MYT1L: variants seen among roughly 807,000 people sequenced by gnomAD.
The protein encoded by MYT1L is myelin transcription factor 1 like.
MYT1L carries 12 observed loss-of-function variants against 126.7 expected under a neutral mutation model. The observed-to-expected ratio is 0.09, with a 90% CI of 0.06 to 0.15. The LOEUF is 0.15. Ranked by LOEUF, MYT1L falls within the 10% of genes least tolerant of loss-of-function variation. The pLI is 1.00. For missense variants in MYT1L, 979 were observed against 1,585.2 expected (o/e 0.62, Z 6.49); for synonymous variants, 541 against 604.2 (o/e 0.90, Z 1.53).
chr2:1,977,608 A>T (rs2149481311), intron 8 of MYT1L, among the ~76,000 whole-genome samples: 1 of 152,346 alleles, frequency 6.6e-6, no homozygotes, highest in Non-Finnish European at 1.5e-5. Flanking sequence ...TGATTATTTC[A>T]CATTGTATGC....
chr2:2,116,528 A>G (rs189669325), intron 3 of MYT1L, among the ~76,000 whole-genome samples: 24 of 152,356 alleles, frequency 1.6e-4, no homozygotes, highest in African/African-American at 4.8e-4. Flanking sequence ...TTGTCTCCAG[A>G]GTGGGTCCCC....
intron 2 of MYT1L, among the ~76,000 whole-genome samples, chr2:2,180,119 C>T (rs2091250510): frequency 6.6e-6 from 1 of 152,124 alleles, no homozygotes; most frequent in African/African-American, 2.4e-5. Flanking sequence ...GGGATTGCAC[C>T]TGTTCATTTT....
rs1654308750 is a variant in MYT1L at position 2,034,246 on chromosome 2, C to G, written c.-158+19732G>C. Among the ~76,000 whole-genome samples, 7 of 152,306 alleles carry G rather than the reference C, an allele frequency of 4.6e-5. No homozygotes were observed. In the South Asian group the frequency reaches 1.4e-3, roughly 32 times the overall value. On this transcript the variant is annotated intron_variant, in intron 4 of 24. Coordinates refer to ENST00000647738, the MANE Select transcript of MYT1L (RefSeq NM_001303052.2). ...CCGACTCGGCATCTCTATGAACACC[C>G]ACAACTTCATGCGGGTGCAGAAGAG...
intron 2 of MYT1L, among the ~76,000 whole-genome samples, chr2:2,252,865 G>A (rs905573551): frequency 6.6e-6 from 1 of 152,122 alleles, no homozygotes; most frequent in African/African-American, 2.4e-5. Flanking sequence ...AGAACATTCT[G>A]GGGCCTATAA....
At position 1,790,900 on chromosome 2, in the gene MYT1L, G is replaced by A. The variant is rs1279217185; in HGVS notation, c.*967C>T. On this transcript the variant is annotated 3_prime_UTR_variant, in exon 25 of 25. Coordinates refer to ENST00000647738, the MANE Select transcript of MYT1L (RefSeq NM_001303052.2). ...CTTAAATTATCTTTTAGCTTAAATC[G>A]AAAACACACAAATTCTGTTGATAAA... 1.8e-5 allele frequency: 3 copies of A among 163,800 alleles called. No homozygotes were observed. The highest frequency in any genetic ancestry group is 1.7e-4 in the East Asian group (1 of 5,794). The allele number at this position is 163,800 out of a possible 1,614,324, so 10.1% of individuals were successfully genotyped here.
chr2:2,288,055 T>G (rs1272765479), intron 1 of MYT1L, among the ~76,000 whole-genome samples: 1 of 152,170 alleles, frequency 6.6e-6, no homozygotes, highest in African/African-American at 2.4e-5. Context: ...GATCATCTGG[T>G]CTCATTTCCT....
intron 21 of MYT1L, among the ~76,000 whole-genome samples, chr2:1,826,711 C>T (rs1373808109): frequency 6.6e-6 from 1 of 152,114 alleles, no homozygotes; most frequent in African/African-American, 2.4e-5. Flanking sequence ...GGAGGGCTCC[C>T]CTTGGAGGGT....
rs868650704 is a variant in MYT1L at position 1,917,537 on chromosome 2, A to G, written c.1484-198T>C. Among the ~76,000 whole-genome samples the G allele has an allele frequency of 4.6e-5, 7 of 152,172 alleles. No individual in the cohort carries two copies. The highest frequency in any genetic ancestry group is 7.2e-5 in the African/African-American group (3 of 41,436). ...TCAACCTTACACAGTATAATCATGA[A>G]TCATAAAGTATTTTAATTTTTATTC... On this transcript the variant is annotated intron_variant, in intron 10 of 24. Transcript: ENST00000647738. The surrounding 1 kb of genome is among the most constrained non-coding windows in gnomAD (Gnocchi z 5.9).
In MYT1L at chr2:2,221,653, A is replaced by G. The variant is rs116035793; in HGVS notation, c.-420-48665T>C. ...ACGCCGCCCAGGCTCCCTCAGGTCC[A>G]TTACCCCGTGGCAGGAACTGGGCTT... On this transcript the variant is annotated intron_variant, in intron 2 of 24. Transcript: ENST00000647738. Among the ~76,000 whole-genome samples the G allele has an allele frequency of 3.8e-3, 578 of 152,320 alleles. 2 individuals carry two copies. The highest frequency in any genetic ancestry group is 6.6e-3 in the Non-Finnish European group (448 of 68,028).
At chr2:2,019,876 T>C (rs181530088) in intron 4 of MYT1L, among the ~76,000 whole-genome samples, 2 of 152,264 alleles carry the variant, frequency 1.3e-5, no homozygotes, top group South Asian at 4.1e-4. Context: ...TGATATGGTA[T>C]GCTCTGTCAC....
intron 21 of MYT1L, among the ~76,000 whole-genome samples, chr2:1,836,285 C>T (rs1318477917): frequency 4.7e-5 from 7 of 150,490 alleles, no homozygotes; most frequent in African/African-American, 1.5e-4. Flanking sequence ...TCAGCCTGCC[C>T]CCAATACTCC....
intron 14 of MYT1L, among the ~76,000 whole-genome samples, chr2:1,892,835 T>C (rs2049090582): frequency 6.6e-6 from 1 of 152,266 alleles, no homozygotes; most frequent in South Asian, 2.1e-4. Flanking sequence ...CTTCTGGGCC[T>C]GTGGGGACCA....
chr2:1,997,659 A>G (rs920832339), intron 4 of MYT1L, among the ~76,000 whole-genome samples: 3 of 152,158 alleles, frequency 2.0e-5, no homozygotes, highest in African/African-American at 7.2e-5. Context: ...ATGAGCTCCC[A>G]GTTCCTGTGG....
chr2:2,319,809 C>T (rs907149647), intron 1 of MYT1L, among the ~76,000 whole-genome samples: 5 of 151,444 alleles, frequency 3.3e-5, no homozygotes, highest in Admixed American at 2.6e-4. Flanking sequence ...ACACACATTA[C>T]CTGACTTTTT....
At chr2:2,290,757 A>G (rs542700758) in intron 1 of MYT1L, among the ~76,000 whole-genome samples, 1 of 152,308 alleles carries the variant, frequency 6.6e-6, no homozygotes, top group African/African-American at 2.4e-5. Flanking sequence ...CTGCCTGCAG[A>G]GACACTGATC....
chr2:2,266,394 CTG>C lies in MYT1L; in HGVS notation c.-421+18008_-421+18009del, dbSNP rs2095130814. Among the ~76,000 whole-genome samples the C allele has an allele frequency of 2.0e-5, 3 of 152,140 alleles. No homozygotes were observed. In the South Asian group the frequency reaches 6.2e-4, roughly 31 times the overall value. On this transcript the variant is annotated intron_variant, in intron 2 of 24. Transcript: ENST00000647738. ...GACAAGACCTCAATATTCACACAAA[CTG>C]TGCAGTGAGGATGGGAGTGCCTAAG...
chr2:2,002,044 A>G (rs2062445381), intron 4 of MYT1L, among the ~76,000 whole-genome samples: 1 of 152,192 alleles, frequency 6.6e-6, no homozygotes, highest in Non-Finnish European at 1.5e-5. Context: ...TGAAACCGTG[A>G]TAAAATCAAA....
intron 21 of MYT1L, among the ~76,000 whole-genome samples, chr2:1,834,476 G>C (rs1472832663): frequency 6.6e-6 from 1 of 152,172 alleles, no homozygotes; most frequent in Non-Finnish European, 1.5e-5. Flanking sequence ...AAAAACCATA[G>C]TCAACACATG....
intron 22 of MYT1L, among the ~76,000 whole-genome samples, chr2:1,805,588 A>G (rs2035568807): frequency 6.6e-6 from 1 of 151,956 alleles, no homozygotes; most frequent in Non-Finnish European, 1.5e-5. Flanking sequence ...GACCTCATCT[A>G]TAGTAAAATA....
Sources: gnomAD v4.1 joint callset for allele counts (sites outside exome capture counted in the v4.1 genomes callset) on GRCh38, gnomAD v4.1.1 for gene constraint, Gnocchi (gnomAD v3.1) non-coding constraint, MANE v1.5 for transcripts, NCBI Gene and HGNC (gene_info 2026-07-23, HGNC 2026-07-21) for gene names.